RSF1: variants seen among roughly 807,000 people sequenced by gnomAD.
RSF1 encodes HBV pX-associated protein 8.
In RSF1, 13 loss-of-function variants were observed where a neutral mutation model predicts 145.2. That is an observed-to-expected ratio of 0.09 (90% CI 0.06 to 0.14). RSF1 has a LOEUF of 0.14. RSF1 is among the 10% of genes least tolerant of loss of function. The pLI is 1.00. For synonymous variants in RSF1, 577 were observed against 592.6 expected, an observed-to-expected ratio of 0.97 and a Z score of 0.38; for missense variants, 1,517 against 1,718.2, an observed-to-expected ratio of 0.88 and a Z score of 2.07.
chr11:77,764,037 A>C (rs908629645), intron 2 of RSF1: 2 of 152,254 alleles, frequency 1.3e-5, no homozygotes, highest in African/African-American at 4.8e-5. Context: ...GATTCTCATA[A>C]GGAGTGCACA....
the RSF1 span, among the ~76,000 whole-genome samples, chr11:77,837,685 T>G: frequency 6.6e-6 from 1 of 152,096 alleles, no homozygotes; most frequent in Non-Finnish European, 1.5e-5. Context: ...ATCCACCTGC[T>G]TTGGCCATCC....
At chr11:77,771,913 G>GA (rs1208539532) in intron 1 of RSF1, among the ~76,000 whole-genome samples, 2 of 152,146 alleles carry the variant, frequency 1.3e-5, no homozygotes, top group Non-Finnish European at 2.9e-5. Context: ...AGAGATGTAG[G>GA]AAAGTACCCT....
At chr11:77,699,421 G>GAAACTTGAAA (rs56123703) in intron 6 of RSF1, among the ~76,000 whole-genome samples, 1 of 152,094 alleles carries the variant, frequency 6.6e-6, no homozygotes, top group Non-Finnish European at 1.5e-5. Flanking sequence ...AACAAAAGAA[G>GAAACTTGAAA]AAAACATTAA....
rs1053781817 is a variant in RSF1 at position 77,820,553 on chromosome 11, C to T, written c.162G>A (p.Pro54=). The T allele has an allele frequency of 1.9e-6, 3 of 1,549,912 alleles. No homozygotes were observed. The highest frequency in any genetic ancestry group is 4.3e-4 in the Middle Eastern group (2 of 4,622). ...FPELERVLQA[P]PPDVGNGEVP... is the part of the protein sequence containing the mutation. ...CTTCTCCGTTGCCGACGTCCGGCGGCGGCGCCTGCAGCACCCGCTCCAGCT... is the reference window on the plus strand; with the variant it reads ...CTTCTCCGTTGCCGACGTCCGGCGGTGGCGCCTGCAGCACCCGCTCCAGCT... The change falls in exon 1 of 16, where the codon CCG becomes CCA. Residue 54 remains proline, a synonymous_variant. Transcript: ENST00000308488.
chr11:77,856,438 G>A, the RSF1 span, among the ~76,000 whole-genome samples: 1 of 152,060 alleles, frequency 6.6e-6, no homozygotes, highest in Admixed American at 6.6e-5. Flanking sequence ...TAGTTCCATA[G>A]CTGCTTCCAC....
At chr11:77,722,194 G>A (rs779029526) in intron 5 of RSF1, among the ~76,000 whole-genome samples, 2 of 152,000 alleles carry the variant, frequency 1.3e-5, no homozygotes, top group Non-Finnish European at 2.9e-5. Context: ...AAAAATAGAA[G>A]ACAGAAAAAC....
intron 1 of RSF1, among the ~76,000 whole-genome samples, chr11:77,798,619 A>G (rs113813476): frequency 1.7e-5 from 2 of 119,398 alleles, no homozygotes; most frequent in African/African-American, 6.4e-5. Context: ...AAAAAAAAAA[A>G]AAAGGCACAT....
chr11:77,793,664 G>A (rs1371508304), intron 1 of RSF1, among the ~76,000 whole-genome samples: 2 of 152,168 alleles, frequency 1.3e-5, no homozygotes, highest in Non-Finnish European at 2.9e-5. Flanking sequence ...ATCTGGCTGC[G>A]ACATCTGTCA....
Position 77,667,243 on chromosome 11 carries a change from G to C in RSF1, c.4000C>G (p.Gln1334Glu), listed in dbSNP as rs547336405. ...DSQPRVLPSE[Q>E]ESTKKPYRIE... ...CGGTAGGGCTTCTTGGTGCTCTCTT[G>C]TTCTGAGGGCAGGACCCTAGGCTGG... The change falls in exon 16 of 16, where the codon CAA becomes GAA. Residue 1334 changes from glutamine to glutamate, a missense_variant. This residue lies in a region of RSF1 where 240 missense variants were observed against 231.8 expected (regional missense o/e 1.04). Transcript: ENST00000308488. 56 of 1,614,036 alleles carry C rather than the reference G, an allele frequency of 3.5e-5. No individual in the cohort carries two copies. The highest frequency in any genetic ancestry group is 4.7e-5 in the Non-Finnish European group (55 of 1,180,022).
chr11:77,812,914 G>A (rs897868931), intron 1 of RSF1, among the ~76,000 whole-genome samples: 3 of 150,812 alleles, frequency 2.0e-5, no homozygotes, highest in Non-Finnish European at 4.4e-5. Context: ...AATCAGTCTG[G>A]TGTAGTTTCT....
At position 77,810,586 on chromosome 11, in the gene RSF1, A is replaced by G. The variant is rs1234073331; in HGVS notation, c.187+9942T>C. Among the ~76,000 whole-genome samples the G allele has an allele frequency of 2.6e-5, 4 of 152,008 alleles. No homozygotes were observed. In the East Asian group the frequency reaches 7.7e-4, roughly 29 times the overall value. ...TATTTTTTGGGGGGGAGATGGGTGG[A>G]GTCTCCCTCTGTTGCCCAGATTGGA... On this transcript the variant is annotated intron_variant, in intron 1 of 15. Coordinates refer to ENST00000308488, the MANE Select transcript of RSF1 (RefSeq NM_016578.4).
At chr11:77,819,880 C>T (rs767114128) in intron 1 of RSF1, among the ~76,000 whole-genome samples, 1 of 151,962 alleles carries the variant, frequency 6.6e-6, no homozygotes, top group Admixed American at 6.6e-5. Context: ...AACCCCCTCC[C>T]GTGGGGGAGG....
chr11:77,826,996 G>A, the RSF1 span, among the ~76,000 whole-genome samples: 12 of 151,832 alleles, frequency 7.9e-5, no homozygotes, highest in Non-Finnish European at 1.2e-4. Flanking sequence ...TCCCTGCTAC[G>A]CAGGAGGCTG....
chr11:77,844,120 A>G, the RSF1 span, among the ~76,000 whole-genome samples: 1 of 152,102 alleles, frequency 6.6e-6, no homozygotes. Flanking sequence ...GCCCTCTTCT[A>G]GTTTGCAGAC....
At chr11:77,853,121 T>A in the RSF1 span, among the ~76,000 whole-genome samples, 1 of 152,216 alleles carries the variant, frequency 6.6e-6, no homozygotes, top group Non-Finnish European at 1.5e-5. Flanking sequence ...CAAATTCCCC[T>A]TTTTGGGGGT....
chr11:77,742,120 C>A (rs562412331), intron 3 of RSF1, among the ~76,000 whole-genome samples: 4 of 152,196 alleles, frequency 2.6e-5, no homozygotes, highest in Admixed American at 6.5e-5. Flanking sequence ...AGTGCAGATA[C>A]CACTTCAAGA....
rs1961031545 is a variant in RSF1, at chr11:77,725,463, A to C, written c.733+82T>G. 4.6e-6 allele frequency: 5 copies of C among 1,093,686 alleles called. No homozygotes were observed. In the South Asian group the frequency reaches 1.5e-4, roughly 33 times the overall value. 67.7% of individuals were successfully genotyped at this position (1,093,686 alleles called of 1,614,324 possible). On this transcript the variant is annotated intron_variant, in intron 5 of 15. Transcript: ENST00000308488. The stretch of plus-strand genomic sequence containing the variant: ...CCAATTCAAATTGAGATAGAAATTC[A>C]GAATTATATAGTTGGGAAGAGGAGT...
intron 1 of RSF1, among the ~76,000 whole-genome samples, chr11:77,791,941 C>T (rs1262532042): frequency 6.6e-6 from 1 of 152,190 alleles, no homozygotes; most frequent in African/African-American, 2.4e-5. Flanking sequence ...AAAGTCGTTT[C>T]CACATTTTCA....
At chr11:77,793,807 A>C (rs1191713973) in intron 1 of RSF1, among the ~76,000 whole-genome samples, 1 of 152,180 alleles carries the variant, frequency 6.6e-6, no homozygotes, top group South Asian at 2.1e-4. Context: ...TCCCCAATAG[A>C]GGAGGACCGG....
Sources: gnomAD v4.1 joint callset for allele counts (sites outside exome capture counted in the v4.1 genomes callset) on GRCh38, gnomAD v4.1.1 for gene constraint, gnomAD v4.1.1 regional missense constraint, MANE v1.5 for transcripts, NCBI Gene and HGNC (gene_info 2026-07-23, HGNC 2026-07-21) for gene names.